FAM219A: variants seen among roughly 807,000 people sequenced by gnomAD.
FAM219A encodes the protein family with sequence similarity 219 member A, also known as protein FAM219A.
A neutral mutation model predicts 23.4 loss-of-function variants in FAM219A; 7 were observed. The ratio of observed to expected loss-of-function variants is 0.30; its 90% confidence interval spans 0.17 to 0.56. The LOEUF is 0.56. FAM219A is among the 20% of genes least tolerant of loss of function. The pLI is 0.92. For missense variants in FAM219A, 166 were observed against 246.9 expected (o/e 0.67, Z 2.20); for synonymous variants, 93 against 99.0 (o/e 0.94, Z 0.36).
chr9:34,404,569 G>A (rs1040274961), intron 2 of FAM219A, among the ~76,000 whole-genome samples: 1 of 152,130 alleles, frequency 6.6e-6, no homozygotes, highest in African/African-American at 2.4e-5. Flanking sequence ...TTAGCTGGGC[G>A]TGGTGATGCG....
chr9:34,430,732 C>T (rs1369914667), intron 1 of FAM219A, among the ~76,000 whole-genome samples: 1 of 149,536 alleles, frequency 6.7e-6, no homozygotes, highest in Non-Finnish European at 1.5e-5. Context: ...GTCCCAGCTA[C>T]CCGGGAGGCT....
intron 1 of FAM219A, among the ~76,000 whole-genome samples, chr9:34,440,850 C>CAA (rs556766532): frequency 7.9e-5 from 7 of 88,270 alleles, no homozygotes; most frequent in Admixed American, 1.2e-4. Flanking sequence ...GACTCGGTCT[C>CAA]AAAAAAAAAA....
chr9:34,448,623 C>G (rs1440670674), intron 1 of FAM219A, among the ~76,000 whole-genome samples: 5 of 152,170 alleles, frequency 3.3e-5, no homozygotes, highest in African/African-American at 1.2e-4. Flanking sequence ...TGAAACATCC[C>G]CTAATCGGGG....
At chr9:34,415,196 A>G (rs1821957906) in intron 1 of FAM219A, among the ~76,000 whole-genome samples, 2 of 151,710 alleles carry the variant, frequency 1.3e-5, no homozygotes, top group South Asian at 4.2e-4. Flanking sequence ...TCCACACACC[A>G]CACTTCTGCA....
intron 3 of FAM219A, 62 bp from the exon 4 acceptor site, chr9:34,402,529 T>A (rs1821485081): frequency 6.2e-7 from 1 of 1,605,116 alleles, no homozygotes. Context: ...GGCAAGGGAC[T>A]GGGTTGGGCC....
At chr9:34,452,930 G>A (rs1275814789) in intron 1 of FAM219A, among the ~76,000 whole-genome samples, 2 of 152,122 alleles carry the variant, frequency 1.3e-5, no homozygotes, top group African/African-American at 2.4e-5. Context: ...GTTCTAGACT[G>A]TGCATCTCCC....
Position 34,401,102 on chromosome 9 carries a change from G to C in FAM219A, c.420C>G (p.Asn140Lys). Residue 140 changes from asparagine to lysine, a missense_variant, in exon 6 of 6, where the codon AAC becomes AAG. Physicochemically the swap from Asn to Lys is moderately conservative, Grantham distance 94. This residue lies in a region of FAM219A where 72 missense variants were observed against 131.0 expected (regional missense o/e 0.55). Transcript: ENST00000651358. ...GGTAGCCGTCCTTCAGCAGCTGGAT[G>C]TTCAAATCTTGGTTGATCTGCTGTA... ...SSAEQINQDL[N>K]IQLLKDGYRL... 1 of 1,613,406 alleles carries C rather than the reference G, an allele frequency of 6.2e-7. No individual in the cohort carries two copies. The highest frequency in any genetic ancestry group is 8.5e-7 in the Non-Finnish European group (1 of 1,179,614).
chr9:34,454,881 G>A (rs1823677121), intron 1 of FAM219A, among the ~76,000 whole-genome samples: 1 of 152,212 alleles, frequency 6.6e-6, no homozygotes, highest in Non-Finnish European at 1.5e-5. Context: ...ACTATGGGAT[G>A]GGGAGAGTTA....
chr9:34,425,471 ACT>A (rs1822426333), intron 1 of FAM219A, among the ~76,000 whole-genome samples: 1 of 152,066 alleles, frequency 6.6e-6, no homozygotes, highest in Admixed American at 6.6e-5. Flanking sequence ...CAAGAACAAA[ACT>A]CTGTCTTAAA....
In FAM219A at chr9:34,402,718, T is replaced by C. The variant is rs984643414; in HGVS notation, c.250A>G (p.Met84Val). 5.0e-6 allele frequency: 8 copies of C among 1,612,776 alleles called. No homozygotes were observed. In the African/African-American group the frequency reaches 9.3e-5, roughly 19 times the overall value. Residue 84 changes from methionine (M) to valine (V), a missense_variant, in exon 3 of 6, where the codon ATG (methionine) becomes GTG (valine). This residue lies in a region of FAM219A where 89 missense variants were observed against 98.8 expected (regional missense o/e 0.90). Coordinates refer to ENST00000651358, the MANE Select transcript of FAM219A (RefSeq NM_001184940.2). ...VNQQPKKNNV[M>V]ARTRLVVPNK... ...GAGGGCCTCTACCTTGTTCGGGCCA[T>C]GACATTGTTCTTCTTGGGTTGCTGG...
intron 1 of FAM219A, among the ~76,000 whole-genome samples, chr9:34,436,319 C>T (rs1475720663): frequency 2.0e-5 from 3 of 152,016 alleles, no homozygotes; most frequent in Admixed American, 6.6e-5. Context: ...CCACAGCTCA[C>T]TGCAGCCTTG....
chr9:34,405,607 C>G (rs1012381510), intron 2 of FAM219A, among the ~76,000 whole-genome samples: 4 of 152,152 alleles, frequency 2.6e-5, no homozygotes, highest in African/African-American at 9.7e-5. Context: ...CATGCTTTTC[C>G]CCCTGCAGCT....
chr9:34,410,159 C>T (rs529145549), intron 1 of FAM219A, among the ~76,000 whole-genome samples: 1 of 152,308 alleles, frequency 6.6e-6, no homozygotes, highest in South Asian at 2.1e-4. Flanking sequence ...TGGGAGGCTG[C>T]TCCATTCCTG....
intron 1 of FAM219A, among the ~76,000 whole-genome samples, chr9:34,422,855 C>T (rs924038759): frequency 6.6e-6 from 1 of 152,138 alleles, no homozygotes; most frequent in Non-Finnish European, 1.5e-5. Flanking sequence ...AGGCACTGTG[C>T]TGGGTTCTGG....
chr9:34,402,266 G>T (rs764911279), intron 4 of FAM219A, 121 bp downstream of exon 4: 1 of 1,613,572 alleles, frequency 6.2e-7, no homozygotes, highest in Non-Finnish European at 8.5e-7. Flanking sequence ...TTCACCCTTG[G>T]AGAGATTCTG....
At chr9:34,426,353 A>G (rs1358177946) in intron 1 of FAM219A, among the ~76,000 whole-genome samples, 2 of 152,186 alleles carry the variant, frequency 1.3e-5, no homozygotes, top group Non-Finnish European at 2.9e-5. Context: ...ATCTTTATAG[A>G]TAGGAGAAAT....
chr9:34,452,833 G>A (rs947939892), intron 1 of FAM219A, among the ~76,000 whole-genome samples: 1 of 152,116 alleles, frequency 6.6e-6, no homozygotes, highest in Non-Finnish European at 1.5e-5. Context: ...CTGACCACTC[G>A]ATGAGAGCCC....
chr9:34,400,639 C>A lies in FAM219A; in HGVS notation c.*325G>T. ...GATCCCCCCACTCGTTAATGTTGAC[C>A]TCCCTGCCGTCCAGTCTTCTCTCTT... On this transcript the variant is annotated 3_prime_UTR_variant, in exon 6 of 6. Transcript: ENST00000651358. 4.3e-6 allele frequency: 1 copy of A among 233,694 alleles called. No individual in the cohort carries two copies. The allele number at this position is 233,694 out of a possible 1,614,324, so 14.5% of individuals were successfully genotyped here. A position where few individuals can be genotyped will look rare whatever the true frequency, so the allele number is the denominator to read the frequency against.
chr9:34,427,983 C>G (rs1454679716), intron 1 of FAM219A, among the ~76,000 whole-genome samples: 1 of 152,224 alleles, frequency 6.6e-6, no homozygotes, highest in Non-Finnish European at 1.5e-5. Flanking sequence ...CAGATAGATG[C>G]AGCCTTCTTT....
Sources: allele counts gnomAD v4.1 joint callset (sites outside exome capture counted in the v4.1 genomes callset), GRCh38; gene constraint gnomAD v4.1.1; regional missense constraint gnomAD v4.1.1; transcripts MANE v1.5; gene names NCBI Gene and HGNC (gene_info 2026-07-23, HGNC 2026-07-21).